ROR2: variants seen among roughly 807,000 people sequenced by gnomAD.
ROR2 encodes ROR family WNT receptor 2, also known as tyrosine-protein kinase transmembrane receptor ROR2.
ROR2 carries 33 observed loss-of-function variants against 74.9 expected under a neutral mutation model. The observed-to-expected ratio is 0.44, with a 90% confidence interval of 0.33 to 0.59. The LOEUF (loss-of-function observed/expected upper bound fraction) is 0.59, where lower values mean the gene tolerates loss of function less well. Among genes scored for constraint, ROR2 ranks in the 20% least tolerant of loss-of-function variants. The pLI is 0.02. For missense variants in ROR2, 1,216 were observed against 1,313.8 expected, an observed-to-expected ratio of 0.93 and a Z score of 1.15; for synonymous variants, 586 against 558.7, an observed-to-expected ratio of 1.05 and a Z score of -0.69.
chr9:91,749,339 C>A (rs1375963137), intron 4 of ROR2, among the ~76,000 whole-genome samples: 1 of 152,234 alleles, frequency 6.6e-6, no homozygotes, highest in Non-Finnish European at 1.5e-5. Context: ...AAGGTGCCAG[C>A]CACTTTGGCT....
At chr9:91,856,750 C>T (rs962044207) in intron 1 of ROR2, among the ~76,000 whole-genome samples, 2 of 152,210 alleles carry the variant, frequency 1.3e-5, no homozygotes, top group African/African-American at 2.4e-5. Context: ...CTGACAAATA[C>T]GATGTCCTTG....
chr9:91,938,945 T>C (rs927517520), intron 1 of ROR2, among the ~76,000 whole-genome samples: 1 of 152,158 alleles, frequency 6.6e-6, no homozygotes, highest in African/African-American at 2.4e-5. Flanking sequence ...CCATGGAGTA[T>C]GTGCATTTTA....
intron 1 of ROR2, among the ~76,000 whole-genome samples, chr9:91,846,274 C>T (rs1007629244): frequency 1.3e-5 from 2 of 152,154 alleles, no homozygotes; most frequent in African/African-American, 2.4e-5. Flanking sequence ...TGTTTGGAGT[C>T]GGGGCCTGTA....
At chr9:91,852,618 CACACAA>C (rs1266280587) in intron 1 of ROR2, among the ~76,000 whole-genome samples, 4 of 75,226 alleles carry the variant, frequency 5.3e-5, no homozygotes, top group Non-Finnish European at 6.6e-5. Context: ...AAATGGAAAA[CACACAA>C]ACACACACAC....
intron 1 of ROR2, among the ~76,000 whole-genome samples, chr9:91,830,238 G>T (rs760984138): frequency 3.9e-5 from 6 of 152,176 alleles, no homozygotes; most frequent in Non-Finnish European, 8.8e-5. Context: ...TGCAAGGCAG[G>T]TGGATCGCCT....
At position 91,723,564 on chromosome 9, in the gene ROR2, C is replaced by T; in HGVS notation, c.*98G>A. The T allele has an allele frequency of 6.5e-7, 1 of 1,528,880 alleles. No homozygotes were observed. The highest frequency in any genetic ancestry group is 8.8e-7 in the Non-Finnish European group (1 of 1,137,158). 94.7% of individuals were successfully genotyped at this position (1,528,880 alleles called of 1,614,324 possible). A position where few individuals can be genotyped will look rare whatever the true frequency, so the allele number is the denominator to read the frequency against. On this transcript the variant is annotated 3_prime_UTR_variant, in exon 9 of 9. Coordinates refer to ENST00000375708, the MANE Select transcript of ROR2 (RefSeq NM_004560.4). Reference sequence around the variant, plus strand: ...AAACAAGCCCACTGGCCGGCGGGCTCTTGTGATTGCTGAGTATGGTGTCTT... The same window carrying T: ...AAACAAGCCCACTGGCCGGCGGGCTTTTGTGATTGCTGAGTATGGTGTCTT...
rs1564030148 is a variant in ROR2, at chr9:91,905,500, G to A, written c.97+44367C>T. Among the ~76,000 whole-genome samples the A allele has an allele frequency of 6.7e-6, 1 of 150,118 alleles. No individual in the cohort carries two copies. The highest frequency in any genetic ancestry group is 1.5e-5 in the Non-Finnish European group (1 of 67,532). ...AAGACACAACACATACCACATACAC[G>A]ACATACACAGACATCACACACTACA... is the stretch of plus-strand genomic sequence containing the variant. On this transcript the variant is annotated intron_variant, in intron 1 of 8. Transcript: ENST00000375708. This position sits in a 1 kb window ranked among gnomAD's most constrained non-coding sequence, Gnocchi z 5.3.
chr9:91,811,843 C>T (rs933141678), intron 1 of ROR2, among the ~76,000 whole-genome samples: 3 of 152,154 alleles, frequency 2.0e-5, no homozygotes, highest in Non-Finnish European at 4.4e-5. Context: ...TCTTTCTATT[C>T]CTGGTTAAAA....
At chr9:91,937,627 T>C (rs1341227389) in intron 1 of ROR2, among the ~76,000 whole-genome samples, 1 of 151,398 alleles carries the variant, frequency 6.6e-6, no homozygotes, top group Admixed American at 6.6e-5. Context: ...TGTTCCAATT[T>C]GTAGAGATAA....
At chr9:91,740,671 G>A (rs1825205425) in intron 4 of ROR2, among the ~76,000 whole-genome samples, 1 of 151,746 alleles carries the variant, frequency 6.6e-6, no homozygotes, top group South Asian at 2.1e-4. Flanking sequence ...GAAAACTATG[G>A]GAGTTGCTTT....
chr9:91,787,166 T>C (rs1396313204), intron 1 of ROR2, among the ~76,000 whole-genome samples: 1 of 152,186 alleles, frequency 6.6e-6, no homozygotes, highest in African/African-American at 2.4e-5. Flanking sequence ...GACTGGCTAA[T>C]TATATACAAT....
intron 2 of ROR2, 111 bp downstream of exon 2, chr9:91,775,630 C>A: frequency 2.0e-6 from 2 of 979,830 alleles, no homozygotes; most frequent in South Asian, 1.3e-5. Context: ...CCAGGGGGCA[C>A]CAAGGGGCCA....
intron 1 of ROR2, among the ~76,000 whole-genome samples, chr9:91,880,254 GAGAAAC>G (rs1830071654): frequency 6.6e-6 from 1 of 152,166 alleles, no homozygotes; most frequent in South Asian, 2.1e-4. Flanking sequence ...GAGGCCACAG[GAGAAAC>G]CAGCCCTGCT....
intron 7 of ROR2, among the ~76,000 whole-genome samples, chr9:91,730,498 C>T (rs1179685190): frequency 6.6e-6 from 1 of 152,130 alleles, no homozygotes; most frequent in African/African-American, 2.4e-5. Context: ...TCTCACTCTG[C>T]TGTCCATGCT....
intron 1 of ROR2, among the ~76,000 whole-genome samples, chr9:91,867,791 A>G (rs540890877): frequency 1.3e-5 from 2 of 151,802 alleles, no homozygotes; most frequent in African/African-American, 4.8e-5. Flanking sequence ...CACATGTGGG[A>G]CAGATCCAAG....
At chr9:91,896,552 C>T (rs567596889) in intron 1 of ROR2, among the ~76,000 whole-genome samples, 1 of 152,306 alleles carries the variant, frequency 6.6e-6, no homozygotes, top group South Asian at 2.1e-4. Context: ...TGCCTGCTCA[C>T]ATCAGCATGT....
chr9:91,893,555 C>T (rs1830473267), intron 1 of ROR2, among the ~76,000 whole-genome samples: 2 of 152,212 alleles, frequency 1.3e-5, no homozygotes, highest in Admixed American at 6.5e-5. Flanking sequence ...ACAACCCCTG[C>T]CTATTCTTCC....
At chr9:91,930,225 A>G (rs1222502918) in intron 1 of ROR2, among the ~76,000 whole-genome samples, 2 of 152,222 alleles carry the variant, frequency 1.3e-5, no homozygotes, top group Admixed American at 1.3e-4. Flanking sequence ...TTCCTCTTCA[A>G]ACGTTCTTGC....
chr9:91,876,525 GAACCAAGAATT>G (rs1829960374), intron 1 of ROR2, among the ~76,000 whole-genome samples: 1 of 152,100 alleles, frequency 6.6e-6, no homozygotes, highest in South Asian at 2.1e-4. Context: ...GCTATTGCTT[GAACCAAGAATT>G]AACCAAGAAT....
Sources: gnomAD v4.1 joint callset for allele counts (sites outside exome capture counted in the v4.1 genomes callset) on GRCh38, gnomAD v4.1.1 for gene constraint, Gnocchi (gnomAD v3.1) non-coding constraint, MANE v1.5 for transcripts, NCBI Gene and HGNC (gene_info 2026-07-23, HGNC 2026-07-21) for gene names.